Variants in ZNG1F observed in about 807,000 individuals in gnomAD.
ZNG1F encodes Zn regulated GTPase metalloprotein activator 1F.
At chr9:41,156,831 A>AC in the ZNG1F span, 1 of 115,104 alleles carries the variant, frequency 8.7e-6, no homozygotes, top group African/African-American at 3.4e-5. Context: ...TTTCTTTTAT[A>AC]CCCCCTCCCT....
At chr9:41,154,677 A>G in the ZNG1F span, among the ~76,000 whole-genome samples, 2 of 148,668 alleles carry the variant, frequency 1.3e-5, 1 homozygote, top group African/African-American at 5.0e-5. Context: ...ATGGAACAGA[A>G]CAGAGCCCTC....
the ZNG1F span, among the ~76,000 whole-genome samples, chr9:41,201,372 C>A: frequency 9.4e-6 from 1 of 106,532 alleles, no homozygotes; most frequent in Non-Finnish European, 1.9e-5. Flanking sequence ...CTGTAGATGA[C>A]AGAGACAATG....
chr9:41,145,597 A>G, the ZNG1F span: 1 of 261,678 alleles, frequency 3.8e-6, no homozygotes, highest in Non-Finnish European at 7.0e-6. Context: ...TAGCAACACT[A>G]TTTTGTATGG....
At chr9:41,140,931 T>C in the ZNG1F span, among the ~76,000 whole-genome samples, 1 of 151,780 alleles carries the variant, frequency 6.6e-6, no homozygotes, top group Non-Finnish European at 1.5e-5. Context: ...TTCACCATGT[T>C]GCCCAGGCTG....
At chr9:41,145,546 A>C in the ZNG1F span, 1 of 609,146 alleles carries the variant, frequency 1.6e-6, no homozygotes, top group Non-Finnish European at 2.7e-6. Flanking sequence ...ACACATTCAT[A>C]TATATACATA....
the ZNG1F span, among the ~76,000 whole-genome samples, chr9:41,154,858 A>T: frequency 6.7e-6 from 1 of 149,772 alleles, no homozygotes; most frequent in Non-Finnish European, 1.5e-5. Context: ...TCAATTCAAG[A>T]TGGATTAAAG....
chr9:41,145,515 T>A, the ZNG1F span: 20 of 683,928 alleles, frequency 2.9e-5, no homozygotes, highest in African/African-American at 1.2e-4. Context: ...TAAGTTTTTT[T>A]AAAATTTCTT....
the ZNG1F span, among the ~76,000 whole-genome samples, chr9:41,173,820 G>A: frequency 3.5e-5 from 5 of 144,404 alleles, no homozygotes; most frequent in Admixed American, 1.4e-4. Flanking sequence ...TAATCTATAT[G>A]AACAAAGATT....
the ZNG1F span, among the ~76,000 whole-genome samples, chr9:41,139,730 C>T: frequency 1.2e-4 from 18 of 151,624 alleles, no homozygotes; most frequent in African/African-American, 3.9e-4. Context: ...ATGTCCAGGA[C>T]AGTTGAATGG....
the ZNG1F span, chr9:41,134,070 C>T: frequency 3.8e-4 from 134 of 349,606 alleles, 3 homozygotes; most frequent in South Asian, 3.9e-3. Context: ...ATATGTAACA[C>T]ATACAATGTA....
chr9:41,156,165 C>G, the ZNG1F span, among the ~76,000 whole-genome samples: 3 of 130,166 alleles, frequency 2.3e-5, 1 homozygote, highest in African/African-American at 9.5e-5. Context: ...CTAAAATTAA[C>G]TATCATTTAC....
the ZNG1F span, among the ~76,000 whole-genome samples, chr9:41,180,355 CA>C: frequency 2.3e-5 from 1 of 42,984 alleles, no homozygotes; most frequent in Non-Finnish European, 3.9e-5. Flanking sequence ...CAATGGGAAA[CA>C]AAAAAATGTG....
the ZNG1F span, among the ~76,000 whole-genome samples, chr9:41,140,831 TC>T: frequency 1.4e-5 from 2 of 143,070 alleles, no homozygotes; most frequent in Admixed American, 1.4e-4. Context: ...GCTAAAGCAA[TC>T]CTCCCACTTC....
chr9:41,155,325 G>A, the ZNG1F span, among the ~76,000 whole-genome samples: 1 of 150,138 alleles, frequency 6.7e-6, no homozygotes, highest in Admixed American at 6.7e-5. Flanking sequence ...ACACCAGTTA[G>A]AATGGCGATC....
At chr9:41,147,730 T>TC in the ZNG1F span, among the ~76,000 whole-genome samples, 1 of 137,642 alleles carries the variant, frequency 7.3e-6, no homozygotes, top group Non-Finnish European at 1.5e-5. Flanking sequence ...TTTCATTGGT[T>TC]CCCCTTGTAA....
At chr9:41,149,782 G>C in the ZNG1F span, among the ~76,000 whole-genome samples, 2 of 151,052 alleles carry the variant, frequency 1.3e-5, no homozygotes, top group Non-Finnish European at 3.0e-5. Context: ...TAGCAATACT[G>C]TATTGTACAC....
the ZNG1F span, among the ~76,000 whole-genome samples, chr9:41,193,361 T>TCC: frequency 7.5e-6 from 1 of 134,066 alleles, no homozygotes; most frequent in African/African-American, 2.8e-5. Context: ...TTAAACAAAA[T>TCC]TATGAGAGGC....
chr9:41,138,584 CTCT>C, the ZNG1F span, among the ~76,000 whole-genome samples: 1 of 24,894 alleles, frequency 4.0e-5, no homozygotes, highest in Non-Finnish European at 7.2e-5. Context: ...GTTTAGATTT[CTCT>C]TCTTCCTCAG....
the ZNG1F span, among the ~76,000 whole-genome samples, chr9:41,159,067 T>C: frequency 6.7e-6 from 1 of 149,180 alleles, no homozygotes; most frequent in East Asian, 2.0e-4. Flanking sequence ...TAAAGGCTGC[T>C]TTAAGTAGCT....
Sources: gnomAD v4.1 joint callset for allele counts (sites outside exome capture counted in the v4.1 genomes callset) on GRCh38, gnomAD v4.1.1 for gene constraint, MANE v1.5 for transcripts, NCBI Gene and HGNC (gene_info 2026-07-23, HGNC 2026-07-21) for gene names.